Variants in ETV6 observed in about 807,000 individuals in gnomAD.
The protein encoded by ETV6 is transcription factor ETV6.
In ETV6, 16 loss-of-function variants were observed where a neutral mutation model predicts 51.1. That is an observed-to-expected ratio of 0.31 (90% confidence interval 0.21 to 0.48). The LOEUF (loss-of-function observed/expected upper bound fraction) is 0.48. Among genes scored for constraint, ETV6 ranks in the 20% least tolerant of loss-of-function variants. The pLI, the probability that ETV6 is intolerant of heterozygous loss-of-function variation, is 0.99. For synonymous variants in ETV6, 240 were observed against 224.1 expected (o/e 1.07, Z -0.64); for missense variants, 458 against 594.8 (o/e 0.77, Z 2.39).
intron 1 of ETV6, among the ~76,000 whole-genome samples, chr12:11,685,693 T>G (rs1864616503): frequency 6.6e-6 from 1 of 152,064 alleles, no homozygotes; most frequent in Non-Finnish European, 1.5e-5. Context: ...CTCGATCAAG[T>G]TTGATGTAAA....
chr12:11,801,014 A>G (rs1246038327), intron 2 of ETV6, among the ~76,000 whole-genome samples: 1 of 152,238 alleles, frequency 6.6e-6, no homozygotes, highest in Non-Finnish European at 1.5e-5. Flanking sequence ...AAAGTAGTAT[A>G]ATTACATCAT....
intron 7 of ETV6, among the ~76,000 whole-genome samples, chr12:11,886,704 T>C (rs1947192010): frequency 6.6e-6 from 1 of 152,198 alleles, no homozygotes; most frequent in South Asian, 2.1e-4. Flanking sequence ...TCCAACCAAG[T>C]TAGCCTGCCA....
chr12:11,806,139 A>T (rs1235386706), intron 2 of ETV6, among the ~76,000 whole-genome samples: 2 of 152,344 alleles, frequency 1.3e-5, no homozygotes, highest in Non-Finnish European at 2.9e-5. Flanking sequence ...ACAACAGCTT[A>T]TGGGGCCCAA....
intron 1 of ETV6, among the ~76,000 whole-genome samples, chr12:11,724,654 G>T (rs551503754): frequency 6.6e-6 from 1 of 152,332 alleles, no homozygotes; most frequent in Admixed American, 6.5e-5. Context: ...CAAGAATAAA[G>T]AGTTGAGGGG....
chr12:11,782,822 C>A (rs1416821754), intron 2 of ETV6, among the ~76,000 whole-genome samples: 1 of 152,110 alleles, frequency 6.6e-6, no homozygotes, highest in Non-Finnish European at 1.5e-5. Context: ...AGAAGAAATG[C>A]AATTAAATTG....
chr12:11,673,292 G>C (rs1447065124), intron 1 of ETV6, among the ~76,000 whole-genome samples: 1 of 152,172 alleles, frequency 6.6e-6, no homozygotes, highest in African/African-American at 2.4e-5. Flanking sequence ...TACTCTGCTG[G>C]GAAAGAATTT....
intron 1 of ETV6, among the ~76,000 whole-genome samples, chr12:11,654,289 C>G (rs572658999): frequency 6.6e-6 from 1 of 152,150 alleles, no homozygotes; most frequent in Non-Finnish European, 1.5e-5. Flanking sequence ...AGGGAACTTT[C>G]AAACATTCAG....
chr12:11,666,138 C>T (rs1225924879), intron 1 of ETV6, among the ~76,000 whole-genome samples: 1 of 152,140 alleles, frequency 6.6e-6, no homozygotes, highest in African/African-American at 2.4e-5. Flanking sequence ...CAGTTGCTCC[C>T]CCACCCCATT....
chr12:11,810,069 T>G (rs1245394521), intron 2 of ETV6, among the ~76,000 whole-genome samples: 1 of 152,054 alleles, frequency 6.6e-6, no homozygotes, highest in Non-Finnish European at 1.5e-5. Flanking sequence ...TCCGCCCACT[T>G]CAACCTCCCA....
intron 2 of ETV6, among the ~76,000 whole-genome samples, chr12:11,834,717 T>A (rs1172684873): frequency 6.6e-6 from 1 of 152,240 alleles, no homozygotes; most frequent in Non-Finnish European, 1.5e-5. Flanking sequence ...CTTCAGGAAG[T>A]TACAAAATCT....
chr12:11,884,341 C>G, intron 5 of ETV6, 104 bp from the exon 6 acceptor site: 1 of 1,303,702 alleles, frequency 7.7e-7, no homozygotes, highest in South Asian at 1.3e-5. Flanking sequence ...ATCAGTCAAC[C>G]CAAGCTAGGC....
intron 1 of ETV6, among the ~76,000 whole-genome samples, chr12:11,651,296 G>A (rs992106372): frequency 6.6e-6 from 1 of 152,198 alleles, no homozygotes; most frequent in African/African-American, 2.4e-5. Context: ...TTCTTCGTCT[G>A]TGGGGAGTTA....
intron 2 of ETV6, among the ~76,000 whole-genome samples, chr12:11,817,923 G>T (rs1946017227): frequency 6.6e-6 from 1 of 152,204 alleles, no homozygotes; most frequent in Non-Finnish European, 1.5e-5. Context: ...TTAGAAGGAG[G>T]CTTCCTGGAA....
At chr12:11,771,369 TTGTC>T (rs1591662265) in intron 2 of ETV6, among the ~76,000 whole-genome samples, 1 of 152,216 alleles carries the variant, frequency 6.6e-6, no homozygotes, top group Non-Finnish European at 1.5e-5. Flanking sequence ...ATCTCCCACT[TTGTC>T]TGAGTAGTCA....
chr12:11,728,887 A>G (rs992047348), intron 1 of ETV6, among the ~76,000 whole-genome samples: 2 of 152,162 alleles, frequency 1.3e-5, no homozygotes, highest in Non-Finnish European at 2.9e-5. Context: ...TCTGACTTCA[A>G]GTCTTTAGCC....
chr12:11,701,678 C>G (rs187376781), intron 1 of ETV6, among the ~76,000 whole-genome samples: 1 of 152,290 alleles, frequency 6.6e-6, no homozygotes, highest in African/African-American at 2.4e-5. Flanking sequence ...TACTGTGTAT[C>G]AGGGGCTCTG....
chr12:11,691,516 C>T (rs1476136264), intron 1 of ETV6, among the ~76,000 whole-genome samples: 2 of 152,214 alleles, frequency 1.3e-5, no homozygotes, highest in African/African-American at 2.4e-5. Flanking sequence ...AAGACATACA[C>T]ACATAAAAAG....
chr12:11,694,652 C>G (rs939731451), intron 1 of ETV6, among the ~76,000 whole-genome samples: 1 of 152,136 alleles, frequency 6.6e-6, no homozygotes, highest in Non-Finnish European at 1.5e-5. Flanking sequence ...CTTTTTCCAC[C>G]TGGTTATTGT....
At chr12:11,877,920 G>A (rs946937174) in intron 5 of ETV6, among the ~76,000 whole-genome samples, 5 of 152,142 alleles carry the variant, frequency 3.3e-5, no homozygotes, top group Admixed American at 1.3e-4. Flanking sequence ...CCTCACTGCT[G>A]AGCTGCCATC....
Sources: gnomAD v4.1 joint callset for allele counts (sites outside exome capture counted in the v4.1 genomes callset) on GRCh38, gnomAD v4.1.1 for gene constraint, MANE v1.5 for transcripts, NCBI Gene and HGNC (gene_info 2026-07-23, HGNC 2026-07-21) for gene names.